Variants in CTNNA3 observed in about 807,000 individuals in gnomAD.
CTNNA3 encodes catenin alpha-3.
CTNNA3 carries 76 observed loss-of-function variants against 95.7 expected under a neutral mutation model. The observed-to-expected ratio is 0.79, with a 90% CI of 0.66 to 0.96. The LOEUF (loss-of-function observed/expected upper bound fraction) is 0.96, where lower values mean the gene tolerates loss of function less well. CTNNA3 is among the 40% of genes least tolerant of loss of function. CTNNA3 has a pLI of 0.00. For missense variants in CTNNA3, 1,191 were observed against 1,089.8 expected (o/e 1.09, Z -1.31); for synonymous variants, 431 against 374.4 (o/e 1.15, Z -1.74).
chr10:67,421,963 T>C (rs985262803), intron 5 of CTNNA3, among the ~76,000 whole-genome samples: 3 of 152,160 alleles, frequency 2.0e-5, no homozygotes, highest in African/African-American at 7.2e-5. Flanking sequence ...AACATCATGC[T>C]CACACTGAGG....
At chr10:66,367,229 C>T (rs1413018977) in intron 12 of CTNNA3, among the ~76,000 whole-genome samples, 1 of 152,100 alleles carries the variant, frequency 6.6e-6, no homozygotes, top group Non-Finnish European at 1.5e-5. Context: ...ACATTGTAAA[C>T]AAGCTGACTC....
At chr10:67,169,318 G>A (rs1184667905) in intron 7 of CTNNA3, among the ~76,000 whole-genome samples, 1 of 151,782 alleles carries the variant, frequency 6.6e-6, no homozygotes, top group Non-Finnish European at 1.5e-5. Context: ...AAATGAGCCT[G>A]AATAGCCAAG....
upstream of CTNNA3, among the ~76,000 whole-genome samples, chr10:67,700,772 C>A (rs191452013): frequency 2.3e-4 from 35 of 152,226 alleles, no homozygotes; most frequent in Middle Eastern, 3.4e-3. Context: ...CAAAGCTGGA[C>A]GGAGAATGAC....
intron 5 of CTNNA3, among the ~76,000 whole-genome samples, chr10:67,322,617 C>T (rs1841371696): frequency 6.6e-6 from 1 of 152,216 alleles, no homozygotes; most frequent in South Asian, 2.1e-4. Flanking sequence ...TTTATCCAGT[C>T]TACCATTCAT....
intron 7 of CTNNA3, among the ~76,000 whole-genome samples, chr10:67,060,835 AT>A (rs1342371060): frequency 6.7e-6 from 1 of 148,582 alleles, no homozygotes; most frequent in African/African-American, 2.6e-5. Context: ...CATATATGAC[AT>A]GAAAAAGAAA....
intron 6 of CTNNA3, among the ~76,000 whole-genome samples, chr10:67,201,608 G>A (rs928612399): frequency 7.2e-5 from 11 of 152,038 alleles, no homozygotes; most frequent in African/African-American, 2.2e-4. Context: ...TGTGGCTAAC[G>A]AAGCTGAGAT....
intron 5 of CTNNA3, among the ~76,000 whole-genome samples, chr10:67,435,299 A>G (rs985027979): frequency 1.3e-5 from 2 of 151,900 alleles, no homozygotes; most frequent in Non-Finnish European, 2.9e-5. Context: ...CCGCTTTCAC[A>G]TTTTACTCTT....
intron 9 of CTNNA3, among the ~76,000 whole-genome samples, chr10:66,716,549 G>A (rs538810198): frequency 8.5e-5 from 13 of 152,240 alleles, no homozygotes; most frequent in South Asian, 2.1e-4. Context: ...TATTAACCAC[G>A]AGAGTGAATG....
chr10:66,175,015 C>T (rs1408844541), intron 13 of CTNNA3, among the ~76,000 whole-genome samples: 2 of 152,024 alleles, frequency 1.3e-5, no homozygotes, highest in Non-Finnish European at 2.9e-5. Flanking sequence ...GTGTCATTGC[C>T]TCAGATATTG....
intron 15 of CTNNA3, among the ~76,000 whole-genome samples, chr10:66,066,401 C>T (rs1408572710): frequency 1.3e-5 from 2 of 151,946 alleles, no homozygotes; most frequent in Non-Finnish European, 2.9e-5. Context: ...TTATATAATG[C>T]TTGTGATTAT....
chr10:66,603,071 A>G (rs1843989898), intron 10 of CTNNA3, among the ~76,000 whole-genome samples: 1 of 152,116 alleles, frequency 6.6e-6, no homozygotes, highest in Non-Finnish European at 1.5e-5. Flanking sequence ...TATCCAACAT[A>G]GTACTGGAAG....
intron 5 of CTNNA3, among the ~76,000 whole-genome samples, chr10:67,251,575 A>G (rs1866110761): frequency 6.6e-6 from 1 of 152,208 alleles, no homozygotes; most frequent in African/African-American, 2.4e-5. Flanking sequence ...CTGTCCTAAT[A>G]GTAAAACTCA....
intron 7 of CTNNA3, among the ~76,000 whole-genome samples, chr10:66,892,562 C>A (rs1845314719): frequency 6.7e-6 from 1 of 149,662 alleles, no homozygotes; most frequent in African/African-American, 2.4e-5. Context: ...TAGAATTCAA[C>A]AATGATATTT....
intron 7 of CTNNA3, among the ~76,000 whole-genome samples, chr10:67,164,348 G>A (rs976477573): frequency 1.3e-5 from 2 of 152,048 alleles, no homozygotes; most frequent in African/African-American, 4.8e-5. Context: ...ATATGCAGAA[G>A]TAATCCAATG....
chr10:67,285,242 A>T (rs1448574849), intron 5 of CTNNA3, among the ~76,000 whole-genome samples: 1 of 152,224 alleles, frequency 6.6e-6, no homozygotes, highest in African/African-American at 2.4e-5. Flanking sequence ...ACTAATAACT[A>T]ATGAAAGGTA....
Position 66,212,305 on chromosome 10 carries a change from T to G in CTNNA3, c.1884+68165A>C, listed in dbSNP as rs372071519. Among the ~76,000 whole-genome samples the G allele has an allele frequency of 2.5e-4, 38 of 152,300 alleles. No homozygotes were observed. The South Asian group carries it at 6.0e-3, about 24-fold the overall frequency. On this transcript the variant is annotated intron_variant, in intron 13 of 17. Coordinates refer to ENST00000433211, the MANE Select transcript of CTNNA3 (RefSeq NM_013266.4). ...GCGCCCAGCCAGCAACTATTGTTTC[T>G]TAATGCCTCAGCCTAATAATACTTA...
intron 13 of CTNNA3, among the ~76,000 whole-genome samples, chr10:66,181,542 C>T (rs932939219): frequency 5.3e-5 from 8 of 152,262 alleles, no homozygotes; most frequent in African/African-American, 1.9e-4. Flanking sequence ...GCTACACACT[C>T]CCACCCTCAG....
chr10:66,937,867 A>G (rs967710458), intron 7 of CTNNA3, among the ~76,000 whole-genome samples: 11 of 152,212 alleles, frequency 7.2e-5, no homozygotes, highest in Non-Finnish European at 1.5e-4. Context: ...ATGTCTTATT[A>G]ATCTTTTCCT....
At chr10:66,297,269 T>C (rs756019186) in intron 12 of CTNNA3, among the ~76,000 whole-genome samples, 3 of 152,014 alleles carry the variant, frequency 2.0e-5, no homozygotes, top group Non-Finnish European at 2.9e-5. Context: ...AAGACGGATC[T>C]ACAGATTCCA....
Sources: gnomAD v4.1 joint callset for allele counts (sites outside exome capture counted in the v4.1 genomes callset) on GRCh38, gnomAD v4.1.1 for gene constraint, MANE v1.5 for transcripts, NCBI Gene and HGNC (gene_info 2026-07-23, HGNC 2026-07-21) for gene names.